Variants in KLHL2 observed in about 807,000 individuals in gnomAD.
The protein encoded by KLHL2 is kelch like family member 2.
Under a neutral mutation model 75.8 loss-of-function variants are expected in KLHL2, and 15 were observed. The ratio of observed to expected loss-of-function variants is 0.20; its 90% CI spans 0.13 to 0.30. The LOEUF is 0.30. Among genes scored for constraint, KLHL2 ranks in the 10% least tolerant of loss-of-function variants. KLHL2 has a pLI of 1.00. For synonymous variants in KLHL2, 214 were observed against 251.9 expected, an observed-to-expected ratio of 0.85 and a Z score of 1.42; for missense variants, 381 against 741.0, an observed-to-expected ratio of 0.51 and a Z score of 5.64.
intron 5 of KLHL2, among the ~76,000 whole-genome samples, chr4:165,290,273 G>T (rs1342638422): frequency 2.0e-5 from 3 of 151,864 alleles, no homozygotes; most frequent in African/African-American, 7.3e-5. Context: ...CTCCCAAGTA[G>T]TTGGGACTAC....
chr4:165,276,888 T>C (rs1439601204), intron 5 of KLHL2, among the ~76,000 whole-genome samples: 2 of 152,182 alleles, frequency 1.3e-5, no homozygotes, highest in South Asian at 2.1e-4. Context: ...TTTGAATTAT[T>C]GCTTGTGTTT....
chr4:165,263,105 A>G, intron 4 of KLHL2, 92 bp from the exon 5 acceptor site: 4 of 1,136,204 alleles, frequency 3.5e-6, no homozygotes, highest in Admixed American at 2.1e-5. Context: ...ATAATAAACT[A>G]TGGCTGAACA....
intron 1 of KLHL2, among the ~76,000 whole-genome samples, chr4:165,212,054 T>C (rs1246538529): frequency 1.3e-5 from 2 of 152,212 alleles, no homozygotes; most frequent in Non-Finnish European, 2.9e-5. Context: ...AAATTCACTT[T>C]ATGTTGCATT....
chr4:165,208,141 G>T, intron 1 of KLHL2, among the ~76,000 whole-genome samples: 1 of 152,138 alleles, frequency 6.6e-6, no homozygotes, highest in Non-Finnish European at 1.5e-5. Context: ...TCCCCATCTC[G>T]GGCGGATAGA....
At chr4:165,313,683 CTT>C (rs1746382513) in intron 12 of KLHL2, among the ~76,000 whole-genome samples, 4 of 152,004 alleles carry the variant, frequency 2.6e-5, no homozygotes, top group Admixed American at 2.0e-4. Context: ...ATGTATATTT[CTT>C]AAAATTTTGT....
chr4:165,270,500 G>C (rs1579085839), intron 5 of KLHL2, among the ~76,000 whole-genome samples: 1 of 152,264 alleles, frequency 6.6e-6, no homozygotes, highest in East Asian at 1.9e-4. Flanking sequence ...CTGCAGATGG[G>C]GTTTTGGTGT....
At position 165,288,412 on chromosome 4, in the gene KLHL2, T is replaced by C. The variant is rs192518421; in HGVS notation, c.545-5947T>C. ...CTCTAAAGATAATCACTATTATTAGTTTCTCGGTTTTGTTTTGTTTTCTTG... is the reference window on the plus strand; with the variant it reads ...CTCTAAAGATAATCACTATTATTAGCTTCTCGGTTTTGTTTTGTTTTCTTG... On this transcript the variant is annotated intron_variant, in intron 5 of 14. Transcript: ENST00000226725. 1.5e-3 allele frequency among the ~76,000 whole-genome samples: 234 copies of C among 152,280 alleles called. 1 individual carries two copies. The highest frequency in any genetic ancestry group is 5.5e-3 in the African/African-American group (227 of 41,578).
At chr4:165,217,345 T>C (rs1269213546) in intron 1 of KLHL2, among the ~76,000 whole-genome samples, 2 of 152,228 alleles carry the variant, frequency 1.3e-5, no homozygotes, top group East Asian at 3.8e-4. Flanking sequence ...ATCTGTCTTA[T>C]ACTATAAAGT....
intron 8 of KLHL2, among the ~76,000 whole-genome samples, chr4:165,303,944 C>T (rs140318960): frequency 0.017 from 2,543 of 152,072 alleles, 32 homozygotes; most frequent in African/African-American, 0.027. Context: ...GGTGCAATCT[C>T]GGCTCACTGC....
chr4:165,285,172 A>G (rs1743991395), intron 5 of KLHL2, among the ~76,000 whole-genome samples: 1 of 152,206 alleles, frequency 6.6e-6, no homozygotes, highest in African/African-American at 2.4e-5. Context: ...ATTTATTGTG[A>G]AAATTTTTGA....
At chr4:165,238,221 T>G (rs1206088143) in intron 3 of KLHL2, among the ~76,000 whole-genome samples, 1 of 152,192 alleles carries the variant, frequency 6.6e-6, no homozygotes, top group Admixed American at 6.5e-5. Context: ...TGCCTTGCAT[T>G]CTCTAAGCAT....
chr4:165,212,856 C>G (rs1028462203), intron 1 of KLHL2, among the ~76,000 whole-genome samples: 1 of 152,210 alleles, frequency 6.6e-6, no homozygotes, highest in African/African-American at 2.4e-5. Context: ...TTGGCCAGTT[C>G]TTTTCAATCA....
intron 9 of KLHL2, 133 bp from the exon 10 acceptor site, chr4:165,310,420 G>T: frequency 1.4e-6 from 1 of 731,264 alleles, no homozygotes; most frequent in Non-Finnish European, 2.4e-6. Flanking sequence ...CATTTTCAAG[G>T]ATTTATTTAA....
chr4:165,310,918 A>G (rs1393149447), intron 10 of KLHL2, among the ~76,000 whole-genome samples, 168 bp downstream of exon 10: 2 of 148,160 alleles, frequency 1.3e-5, no homozygotes, highest in African/African-American at 5.0e-5. Flanking sequence ...ACAGTGGCGC[A>G]ATCTCGGCTC....
At chr4:165,257,245 G>C (rs551713093) in intron 4 of KLHL2, among the ~76,000 whole-genome samples, 2 of 152,348 alleles carry the variant, frequency 1.3e-5, no homozygotes, top group South Asian at 4.1e-4. Context: ...AGCTGGAAAG[G>C]AGGGAAAACC....
At chr4:165,210,020 C>G (rs1737096472) in intron 1 of KLHL2, 1 of 1,525,994 alleles carries the variant, frequency 6.6e-7, no homozygotes, top group East Asian at 2.5e-5. Flanking sequence ...CCGGGCCTCA[C>G]TGCCAGAGCT....
chr4:165,297,690 C>T lies in KLHL2; in HGVS notation c.736C>T (p.Arg246Trp). Residue 246 changes from arginine to tryptophan, a missense_variant, in exon 7 of 15, where the codon CGG becomes TGG. Physicochemically the swap from Arg to Trp is moderately radical, Grantham distance 101. Transcript: ENST00000226725. ...EFMARLMEHV[R>W]LPLLPREYLV... ...TATGGCCCGACTGATGGAACATGTA[C>T]GGTTACCTTTGCTTCCTCGGGAATA... is the stretch of plus-strand genomic sequence containing the variant. The T allele has an allele frequency of 6.2e-7, 1 of 1,613,196 alleles. No individual in the cohort carries two copies. The highest frequency in any genetic ancestry group is 8.5e-7 in the Non-Finnish European group (1 of 1,179,186).
intron 1 of KLHL2, chr4:165,208,632 A>G (rs1470985013): frequency 1.3e-5 from 2 of 152,174 alleles, no homozygotes; most frequent in Non-Finnish European, 2.9e-5. Context: ...ACATTATTGC[A>G]TTATTCAGAA....
intron 11 of KLHL2, 35 bp downstream of exon 11, chr4:165,311,600 A>G (rs1336117289): frequency 6.8e-7 from 1 of 1,459,998 alleles, no homozygotes; most frequent in African/African-American, 1.4e-5. Flanking sequence ...TACATGTGGC[A>G]TTTTGATCCT....
Sources: gnomAD v4.1 joint callset for allele counts (sites outside exome capture counted in the v4.1 genomes callset) on GRCh38, gnomAD v4.1.1 for gene constraint, MANE v1.5 for transcripts, NCBI Gene and HGNC (gene_info 2026-07-23, HGNC 2026-07-21) for gene names.